Variants in NDUFS4 observed in about 807,000 individuals in gnomAD.
NDUFS4 encodes the protein NADH dehydrogenase [ubiquinone] iron-sulfur protein 4, mitochondrial.
Under a neutral mutation model 24.3 loss-of-function variants are expected in NDUFS4, and 28 were observed. The ratio of observed to expected loss-of-function variants is 1.15; its 90% CI spans 0.85 to 1.58. NDUFS4 has a LOEUF of 1.58. Among genes scored for constraint, NDUFS4 ranks in the 40% most tolerant of loss-of-function variants. The pLI is 0.00. For synonymous variants in NDUFS4, 93 were observed against 69.7 expected, an observed-to-expected ratio of 1.34 and a Z score of -1.67; for missense variants, 223 against 207.9, an observed-to-expected ratio of 1.07 and a Z score of -0.45.
chr5:53,676,708 C>A (rs1337563364), intron 4 of NDUFS4, among the ~76,000 whole-genome samples: 1 of 152,186 alleles, frequency 6.6e-6, no homozygotes, highest in East Asian at 1.9e-4. Flanking sequence ...AGAGCATTAT[C>A]CTGCTTCACC....
intron 3 of NDUFS4, among the ~76,000 whole-genome samples, chr5:53,655,453 A>G (rs1752134615): frequency 6.8e-6 from 1 of 146,904 alleles, no homozygotes; most frequent in Non-Finnish European, 1.5e-5. Context: ...TGTGAGATTC[A>G]TCCATTCCAT....
At chr5:53,675,797 A>C (rs1460905108) in intron 4 of NDUFS4, among the ~76,000 whole-genome samples, 1 of 152,200 alleles carries the variant, frequency 6.6e-6, no homozygotes, top group East Asian at 1.9e-4. Context: ...TCAGATTGCA[A>C]AACCAATTCC....
At chr5:53,679,296 T>C (rs1210068492) in intron 4 of NDUFS4, among the ~76,000 whole-genome samples, 1 of 152,102 alleles carries the variant, frequency 6.6e-6, no homozygotes, top group East Asian at 1.9e-4. Context: ...CAGTGGTAAT[T>C]ATATAGAGAT....
At chr5:53,632,998 CTTAA>C (rs775567434) in intron 2 of NDUFS4, among the ~76,000 whole-genome samples, 1 of 152,146 alleles carries the variant, frequency 6.6e-6, no homozygotes, top group Non-Finnish European at 1.5e-5. Context: ...ACATATGTGG[CTTAA>C]TTAAGGCTTC....
At chr5:53,676,103 G>A (rs565728901) in intron 4 of NDUFS4, among the ~76,000 whole-genome samples, 2 of 152,314 alleles carry the variant, frequency 1.3e-5, no homozygotes, top group Admixed American at 6.5e-5. Flanking sequence ...CCAGGCAAAT[G>A]TTATAACCAG....
At chr5:53,566,074 G>A (rs895057353) in intron 1 of NDUFS4, among the ~76,000 whole-genome samples, 39 of 152,258 alleles carry the variant, frequency 2.6e-4, no homozygotes, top group African/African-American at 9.1e-4. Context: ...TCGGGAGGCC[G>A]AGGCAGGAGA....
intron 4 of NDUFS4, among the ~76,000 whole-genome samples, chr5:53,661,068 C>T (rs977209790): frequency 4.2e-4 from 64 of 152,264 alleles, no homozygotes; most frequent in African/African-American, 1.3e-3. Flanking sequence ...GACATGAAGT[C>T]CTTGCCCATG....
intron 1 of NDUFS4, among the ~76,000 whole-genome samples, chr5:53,596,509 C>T (rs1442029431): frequency 6.6e-6 from 1 of 152,138 alleles, no homozygotes; most frequent in African/African-American, 2.4e-5. Context: ...AGTTGGTTCT[C>T]TCTTTTTTCT....
intron 2 of NDUFS4, among the ~76,000 whole-genome samples, chr5:53,620,565 C>T (rs1751002814): frequency 6.6e-6 from 1 of 152,174 alleles, no homozygotes; most frequent in South Asian, 2.1e-4. Context: ...GCTGCTGCTA[C>T]ATTAGTACCA....
intron 1 of NDUFS4, 114 bp from the exon 2 acceptor site, chr5:53,603,336 CTT>C (rs11414085): frequency 2.7e-3 from 1,389 of 505,694 alleles, no homozygotes; most frequent in Non-Finnish European, 3.2e-3. Context: ...CTTTCCTTTC[CTT>C]TTTTTTTTTT....
At chr5:53,681,411 A>G (rs1312982646) in intron 4 of NDUFS4, among the ~76,000 whole-genome samples, 1 of 152,154 alleles carries the variant, frequency 6.6e-6, no homozygotes, top group Non-Finnish European at 1.5e-5. Flanking sequence ...AGCACTTTAC[A>G]TGAATTATCA....
intron 2 of NDUFS4, among the ~76,000 whole-genome samples, chr5:53,628,350 G>C (rs1170821506): frequency 6.6e-6 from 1 of 152,020 alleles, no homozygotes; most frequent in Middle Eastern, 3.2e-3. Context: ...TTCTTTTTTT[G>C]TTGTGTCTCT....
At chr5:53,623,089 A>G (rs1430113955) in intron 2 of NDUFS4, among the ~76,000 whole-genome samples, 1 of 152,218 alleles carries the variant, frequency 6.6e-6, no homozygotes, top group Non-Finnish European at 1.5e-5. Context: ...ATGGATGTCT[A>G]AATATTTGTT....
chr5:53,566,526 T>C (rs992431286), intron 1 of NDUFS4, among the ~76,000 whole-genome samples: 1 of 152,144 alleles, frequency 6.6e-6, no homozygotes, highest in African/African-American at 2.4e-5. Flanking sequence ...AGGAAACAGG[T>C]ACAGAAGTGA....
At chr5:53,600,124 C>T (rs562971608) in intron 1 of NDUFS4, among the ~76,000 whole-genome samples, 35 of 151,460 alleles carry the variant, frequency 2.3e-4, no homozygotes, top group Admixed American at 5.3e-4. Flanking sequence ...CTCAGCCTCC[C>T]GAGTAGCTGG....
At chr5:53,615,628 T>C (rs1750817582) in intron 2 of NDUFS4, among the ~76,000 whole-genome samples, 1 of 152,076 alleles carries the variant, frequency 6.6e-6, no homozygotes, top group Non-Finnish European at 1.5e-5. Context: ...AAACTGCTTC[T>C]TTATAAGGCA....
intron 4 of NDUFS4, among the ~76,000 whole-genome samples, chr5:53,668,235 A>G (rs189849): frequency 0.26 from 39,204 of 152,010 alleles, 6,736 homozygotes; most frequent in African/African-American, 0.48. Context: ...TTTGTTATCA[A>G]TTGTATTTGA....
At chr5:53,661,183 TGTAA>T (rs1752331683) in intron 4 of NDUFS4, among the ~76,000 whole-genome samples, 1 of 152,186 alleles carries the variant, frequency 6.6e-6, no homozygotes, top group Middle Eastern at 3.2e-3. Flanking sequence ...TTGTATAAGG[TGTAA>T]GGAAGGGATC....
intron 2 of NDUFS4, chr5:53,604,609 G>A: frequency 2.7e-6 from 1 of 374,608 alleles, no homozygotes; most frequent in Non-Finnish European, 5.2e-6. Flanking sequence ...TGAAATGCTG[G>A]TATTGTCACC....
Sources: gnomAD v4.1 joint callset for allele counts (sites outside exome capture counted in the v4.1 genomes callset) on GRCh38, gnomAD v4.1.1 for gene constraint, MANE v1.5 for transcripts, NCBI Gene and HGNC (gene_info 2026-07-23, HGNC 2026-07-21) for gene names.